Variants in DNAH8 observed in about 807,000 individuals in gnomAD.
DNAH8 encodes the protein axonemal beta dynein heavy chain 8.
DNAH8 carries 382 observed loss-of-function variants against 562.1 expected under a neutral mutation model. That is an observed-to-expected ratio of 0.68 (90% confidence interval 0.63 to 0.74). The LOEUF is 0.74. Ranked by LOEUF, DNAH8 falls within the 30% of genes least tolerant of loss-of-function variation. The pLI, the probability that DNAH8 is intolerant of heterozygous loss-of-function variation, is 0.00. For missense variants in DNAH8, 5,203 were observed against 5,620.4 expected (o/e 0.93, Z 2.37); for synonymous variants, 1,881 against 1,919.4 (o/e 0.98, Z 0.52).
At chr6:38,999,928 CACACAA>C (rs1561961104) in intron 88 of DNAH8, among the ~76,000 whole-genome samples, 50 of 43,678 alleles carry the variant, frequency 1.1e-3, no homozygotes, top group African/African-American at 8.8e-3. Context: ...TACACACACA[CACACAA>C]ACACACACAC....
chr6:38,982,070 C>T (rs1764073695), intron 85 of DNAH8, among the ~76,000 whole-genome samples: 1 of 152,190 alleles, frequency 6.6e-6, no homozygotes, highest in Non-Finnish European at 1.5e-5. Flanking sequence ...GAGCAATAGA[C>T]TACATCATGT....
chr6:38,910,132 T>C (rs74709564), intron 65 of DNAH8, among the ~76,000 whole-genome samples: 149 of 152,378 alleles, frequency 9.8e-4, no homozygotes, highest in African/African-American at 3.2e-3. Flanking sequence ...GTTTCTTTAT[T>C]GCCTTATGTT....
intron 33 of DNAH8, 57 bp from the exon 34 acceptor site, chr6:38,842,311 A>T: frequency 7.0e-7 from 1 of 1,420,654 alleles, no homozygotes; most frequent in Non-Finnish European, 9.6e-7. Context: ...CCTTTCCAAT[A>T]ATGGACTTTA....
At chr6:38,719,798 C>T (rs1281149970) in intron 1 of DNAH8, among the ~76,000 whole-genome samples, 3 of 152,112 alleles carry the variant, frequency 2.0e-5, no homozygotes, top group South Asian at 2.1e-4. Flanking sequence ...ATTTTTACTG[C>T]GAATGGGCTA....
intron 24 of DNAH8, among the ~76,000 whole-genome samples, chr6:38,811,930 C>T (rs1771835105): frequency 6.6e-6 from 1 of 152,062 alleles, no homozygotes; most frequent in South Asian, 2.1e-4. Flanking sequence ...GCAGGTTTGG[C>T]TAGGGAGCAC....
chr6:38,904,748 T>TG (rs1455914262), intron 62 of DNAH8, among the ~76,000 whole-genome samples: 1 of 135,600 alleles, frequency 7.4e-6, no homozygotes, highest in Non-Finnish European at 1.5e-5. Flanking sequence ...GCCGAGATCA[T>TG]GCCATTGCAC....
At chr6:38,925,189 A>G (rs1292360055) in intron 73 of DNAH8, 1 of 152,236 alleles carries the variant, frequency 6.6e-6, no homozygotes, top group African/African-American at 2.4e-5. Context: ...GCACTGGTGA[A>G]GCAAAGTGGG....
rs187099358 is a variant in DNAH8, at chr6:38,785,390, A to G, written c.2396-1375A>G. Among the ~76,000 whole-genome samples, 241 of 152,250 alleles carry G rather than the reference A, an allele frequency of 1.6e-3. 2 individuals are homozygous for G. The highest frequency in any genetic ancestry group is 1.4e-3 in the Non-Finnish European group (95 of 68,006). On this transcript the variant is annotated intron_variant, in intron 17 of 92. Transcript: ENST00000327475. ...TGGAGCAGACTTCCTGACTGTCATTATTGGTCTGTTTTAGTTGTCTTGACC... is the reference window on the plus strand; with the variant it reads ...TGGAGCAGACTTCCTGACTGTCATTGTTGGTCTGTTTTAGTTGTCTTGACC...
At chr6:39,017,890 T>C (rs1460533202) in intron 91 of DNAH8, among the ~76,000 whole-genome samples, 9 of 152,212 alleles carry the variant, frequency 5.9e-5, no homozygotes, top group African/African-American at 1.9e-4. Context: ...TGAAGAGTTA[T>C]AAAAGTCTGC....
chr6:38,832,281 G>A, intron 30 of DNAH8, 41 bp from the exon 31 acceptor site: 2 of 1,309,378 alleles, frequency 1.5e-6, no homozygotes, highest in Non-Finnish European at 2.2e-6. Context: ...TTTTTAATAT[G>A]TTACTTTCAC....
rs544209258 is a variant in DNAH8, at chr6:38,872,949, C to A, written c.7281C>A (p.Ile2427=). The change falls in exon 51 of 93, where the codon ATC becomes ATA. Residue 2427 remains isoleucine (I), a synonymous_variant. Coordinates refer to ENST00000327475, the MANE Select transcript of DNAH8 (RefSeq NM_001206927.2). The stretch of plus-strand genomic sequence containing the variant: ...TTTTAGATGGTCCTGTGGATGCCAT[C>A]TGGATTGAGAACTTAAATTCCGTTT... ...FLILDGPVDA[I]WIENLNSVLD... is the part of the protein sequence containing the mutation. 5.2e-5 allele frequency: 84 copies of A among 1,614,084 alleles called. No homozygotes were observed. Among genetic ancestry groups the A allele is most frequent in the Middle Eastern group, 1.6e-4 (1 of 6,062 alleles).
intron 70 of DNAH8, among the ~76,000 whole-genome samples, chr6:38,920,743 A>T (rs1202455417): frequency 6.6e-6 from 1 of 152,188 alleles, no homozygotes; most frequent in Non-Finnish European, 1.5e-5. Context: ...ACCTTCATAA[A>T]ATGAAATGAA....
intron 68 of DNAH8, 115 bp from the exon 69 acceptor site, chr6:38,917,124 G>A (rs1046552314): frequency 2.8e-6 from 2 of 711,858 alleles, no homozygotes; most frequent in Non-Finnish European, 4.1e-6. Context: ...TCTTGGAAAT[G>A]GAGAGAAAAT....
intron 43 of DNAH8, among the ~76,000 whole-genome samples, chr6:38,861,360 A>C (rs189036529): frequency 6.6e-6 from 1 of 152,218 alleles, no homozygotes; most frequent in Non-Finnish European, 1.5e-5. Flanking sequence ...ATCGTGTCTC[A>C]TGAAGCTTTA....
chr6:38,772,185 C>T (rs994878515), intron 12 of DNAH8, among the ~76,000 whole-genome samples: 9 of 151,964 alleles, frequency 5.9e-5, no homozygotes, highest in Middle Eastern at 3.4e-3. Context: ...CCCGCCACTA[C>T]GCCCGGCTAA....
chr6:38,919,276 T>A (rs1160368388), intron 70 of DNAH8, among the ~76,000 whole-genome samples: 1 of 152,236 alleles, frequency 6.6e-6, no homozygotes. Context: ...AATTTGAGAT[T>A]GTGATACATG....
At chr6:38,773,050 C>G (rs930886412) in intron 12 of DNAH8, among the ~76,000 whole-genome samples, 1 of 140,070 alleles carries the variant, frequency 7.1e-6, no homozygotes, top group Non-Finnish European at 1.5e-5. Flanking sequence ...CTCCTGGCCT[C>G]AAGCAGTCCT....
intron 52 of DNAH8, among the ~76,000 whole-genome samples, chr6:38,875,028 T>G (rs1475470711): frequency 6.6e-6 from 1 of 152,206 alleles, no homozygotes; most frequent in Admixed American, 6.5e-5. Context: ...AATAAATATT[T>G]TAGGCTTTGC....
intron 4 of DNAH8, among the ~76,000 whole-genome samples, chr6:38,733,618 A>T (rs191955747): frequency 6.6e-6 from 1 of 152,336 alleles, no homozygotes; most frequent in Admixed American, 6.5e-5. Flanking sequence ...GCAATTTAAG[A>T]TACAATTATT....
Sources: allele counts gnomAD v4.1 joint callset (sites outside exome capture counted in the v4.1 genomes callset), GRCh38; gene constraint gnomAD v4.1.1; transcripts MANE v1.5; gene names NCBI Gene and HGNC (gene_info 2026-07-23, HGNC 2026-07-21).